The following ABR variants were observed in gnomAD, a reference collection of about 807,000 sequenced individuals.
ABR encodes ABR activator of RhoGEF and GTPase.
Under a neutral mutation model 107.2 loss-of-function variants are expected in ABR, and 35 were observed. That is an observed-to-expected ratio of 0.33 (90% confidence interval 0.25 to 0.43). The LOEUF is 0.43. Among genes scored for constraint, ABR ranks in the 20% least tolerant of loss-of-function variants. The pLI is 1.00. For missense variants in ABR, 815 were observed against 1,115.2 expected, an observed-to-expected ratio of 0.73 and a Z score of 3.83; for synonymous variants, 498 against 462.0, an observed-to-expected ratio of 1.08 and a Z score of -1.00.
chr17:1,222,221 T>G (rs1218117684), intron 1 of ABR, among the ~76,000 whole-genome samples: 1 of 152,076 alleles, frequency 6.6e-6, no homozygotes, highest in Non-Finnish European at 1.5e-5. Flanking sequence ...TGTGCCACTC[T>G]GCCCGGATAA....
chr17:1,187,657 G>A (rs4477779), upstream of ABR, among the ~76,000 whole-genome samples: 120,324 of 151,984 alleles, frequency 0.79, 48,526 homozygotes, highest in Middle Eastern at 0.89. Flanking sequence ...TGGGAGGCCA[G>A]TGTGGGCGGA....
chr17:1,159,881 C>CT (rs1303795858), intron 1 of ABR, among the ~76,000 whole-genome samples: 11 of 152,256 alleles, frequency 7.2e-5, no homozygotes, highest in African/African-American at 2.7e-4. Context: ...GCCCAGGGAC[C>CT]TGTGCCTTTG....
At chr17:1,197,291 G>A in intron 1 of ABR, among the ~76,000 whole-genome samples, 1 of 151,686 alleles carries the variant, frequency 6.6e-6, no homozygotes, top group East Asian at 1.9e-4. Context: ...GCTCTGAGCT[G>A]GAGCCACCTC....
At chr17:1,207,894 C>T (rs1045017919) in intron 1 of ABR, among the ~76,000 whole-genome samples, 2 of 151,522 alleles carry the variant, frequency 1.3e-5, no homozygotes, top group African/African-American at 2.4e-5. Flanking sequence ...CTCAGCCTCC[C>T]GAGTAGCTGG....
intron 1 of ABR, among the ~76,000 whole-genome samples, chr17:1,147,816 C>T (rs150973447): frequency 1.8e-3 from 278 of 152,334 alleles, no homozygotes; most frequent in African/African-American, 6.3e-3. Flanking sequence ...TAACCCCACC[C>T]ACGCCAGCCT....
intron 18 of ABR, 51 bp from the exon 19 acceptor site, chr17:1,012,036 C>G: frequency 1.2e-6 from 2 of 1,606,556 alleles, no homozygotes; most frequent in Non-Finnish European, 1.7e-6. Flanking sequence ...GACAGCTCTC[C>G]CGTAGCAACC....
At chr17:1,229,368 G>A (rs1004699544) in exon 1 of ABR, among the ~76,000 whole-genome samples, 6 of 144,598 alleles carry the variant, frequency 4.1e-5, no homozygotes, top group African/African-American at 1.6e-4. Context: ...GGGGCGCCCG[G>A]GGTCCCCGCG....
At chr17:1,160,911 G>A (rs1231190074) in intron 1 of ABR, among the ~76,000 whole-genome samples, 1 of 152,236 alleles carries the variant, frequency 6.6e-6, no homozygotes, top group Non-Finnish European at 1.5e-5. Context: ...GTGCGGTGGA[G>A]GCAACGTCAC....
intron 1 of ABR, among the ~76,000 whole-genome samples, chr17:1,186,147 A>G (rs1211553294): frequency 1.3e-5 from 2 of 152,172 alleles, no homozygotes; most frequent in East Asian, 3.9e-4. Context: ...AGCATTTACT[A>G]TTCTAAGATT....
At chr17:1,185,985 G>A (rs1041462584) in intron 1 of ABR, among the ~76,000 whole-genome samples, 18 of 151,936 alleles carry the variant, frequency 1.2e-4, no homozygotes, top group African/African-American at 3.4e-4. Flanking sequence ...ACAGGAGCCC[G>A]CCACCACACC....
rs2035645259 is a variant in ABR at position 1,075,715 on chromosome 17, T to C, written c.701-2038A>G. On this transcript the variant is annotated intron_variant, in intron 6 of 22. Transcript: ENST00000302538. ...GGTTGAAAACCACTGCTTTATGTTTTATTTATGTATTTATTTTAATTTTTT... is the reference window on the plus strand; with the variant it reads ...GGTTGAAAACCACTGCTTTATGTTTCATTTATGTATTTATTTTAATTTTTT... Among the ~76,000 whole-genome samples the C allele has an allele frequency of 2.6e-5, 4 of 152,256 alleles. No individual in the cohort carries two copies. The South Asian group carries it at 8.3e-4, about 32-fold the overall frequency.
Position 1,022,106 on chromosome 17 carries a change from C to CAAAAAAAAAAA in ABR, c.1792-8953_1792-8943dup, listed in dbSNP as rs759234729. On this transcript the variant is annotated intron_variant, in intron 16 of 22. Transcript: ENST00000302538. Reference sequence around the variant, plus strand: ...TGGGCAACAGAGCAAGACTCTGTCTCAAAAAAAAAAAAAAAAAAACAGAAA... The same window carrying CAAAAAAAAAAA: ...TGGGCAACAGAGCAAGACTCTGTCTCAAAAAAAAAAAAAAAAAAAAAAAAAAAAAACAGAAA... Among the ~76,000 whole-genome samples the CAAAAAAAAAAA allele has an allele frequency of 7.4e-3, 288 of 39,072 alleles. 3 individuals carry two copies. The highest frequency in any genetic ancestry group is 0.013 in the African/African-American group (86 of 6,468). The allele number at this position is 39,072 out of a possible 152,430, so 25.6% of individuals were successfully genotyped here. A position where few individuals can be genotyped will look rare whatever the true frequency, so the allele number is the denominator to read the frequency against.
In ABR at chr17:1,037,104, C is replaced by A. The variant is rs150586772; in HGVS notation, c.1791+12946G>T. ...CCATCCTTCCATCCATCCATCCATCCATCCACCCACCCACCCATCCATCCA... is the reference window on the plus strand; with the variant it reads ...CCATCCTTCCATCCATCCATCCATCAATCCACCCACCCACCCATCCATCCA... On this transcript the variant is annotated intron_variant, in intron 16 of 22. Coordinates refer to ENST00000302538, the MANE Select transcript of ABR (RefSeq NM_021962.5). The surrounding 1 kb of genome is among the most constrained non-coding windows in gnomAD (Gnocchi z 4.6). Among the ~76,000 whole-genome samples the A allele has an allele frequency of 6.7e-6, 1 of 150,008 alleles. No homozygotes were observed. The highest frequency in any genetic ancestry group is 2.5e-5 in the African/African-American group (1 of 40,222).
Position 1,154,704 on chromosome 17 carries a change from G to C in ABR, c.61+24963C>G, listed in dbSNP as rs1289495515. On this transcript the variant is annotated intron_variant, in intron 1 of 22. Transcript: ENST00000302538. This position sits in a 1 kb window ranked among gnomAD's most constrained non-coding sequence, Gnocchi z 4.0. ...CACAGGGAAGGAAGCCACAGGACAA[G>C]AGCTTGGCAATGCCGTGTCCTCAGG... 6.8e-6 allele frequency: 1 copy of C among 146,128 alleles called. No individual in the cohort carries two copies. The highest frequency in any genetic ancestry group is 1.5e-5 in the Non-Finnish European group (1 of 66,608). The allele number at this position is 146,128 out of a possible 1,614,324, so 9.1% of individuals were successfully genotyped here.
intron 1 of ABR, among the ~76,000 whole-genome samples, chr17:1,152,815 C>T (rs1190067911): frequency 2.6e-5 from 4 of 152,084 alleles, no homozygotes; most frequent in East Asian, 1.9e-4. Context: ...TGACACAGGC[C>T]GGGCGCGGTG....
At chr17:1,195,225 T>G (rs372362973) in intron 1 of ABR, among the ~76,000 whole-genome samples, 30 of 136,692 alleles carry the variant, frequency 2.2e-4, no homozygotes, top group African/African-American at 7.0e-4. Context: ...GAGAATGGCG[T>G]GAACCCGGAA....
chr17:1,152,141 T>C (rs2040822310), intron 1 of ABR, among the ~76,000 whole-genome samples: 2 of 152,024 alleles, frequency 1.3e-5, no homozygotes, highest in African/African-American at 4.8e-5. Context: ...TACAAAAAAG[T>C]TAGCTAGGTG....
rs914275330 is a variant in ABR, at chr17:1,150,040, G to T, written c.62-24673C>A. ...GTTAGTGGCTGTTATTGTCGTCACT[G>T]ACGTTGTCACTGCTGTTGTCCCTGT... On this transcript the variant is annotated intron_variant, in intron 1 of 22. Transcript: ENST00000302538. The surrounding 1 kb of genome is among the most constrained non-coding windows in gnomAD (Gnocchi z 4.8). Among the ~76,000 whole-genome samples, 3 of 152,094 alleles carry T rather than the reference G, an allele frequency of 2.0e-5. No homozygotes were observed. Among genetic ancestry groups the T allele is most frequent in the African/African-American group, 7.2e-5 (3 of 41,400 alleles).
intron 16 of ABR, among the ~76,000 whole-genome samples, chr17:1,026,679 G>A (rs989729454): frequency 9.9e-5 from 15 of 152,200 alleles, no homozygotes; most frequent in Non-Finnish European, 8.8e-5. Flanking sequence ...GGGGCAGGCA[G>A]GTCACAGGCG....
Sources: gnomAD v4.1 joint callset for allele counts (sites outside exome capture counted in the v4.1 genomes callset) on GRCh38, gnomAD v4.1.1 for gene constraint, Gnocchi (gnomAD v3.1) non-coding constraint, MANE v1.5 for transcripts, NCBI Gene and HGNC (gene_info 2026-07-23, HGNC 2026-07-21) for gene names.